The following DOCK10 variants were observed in gnomAD, a reference collection of about 807,000 sequenced individuals.
The protein encoded by DOCK10 is dedicator of cytokinesis 10, also known as dedicator of cytokinesis protein 10.
DOCK10 carries 145 observed loss-of-function variants against 280.1 expected under a neutral mutation model. That is an observed-to-expected ratio of 0.52 (90% CI 0.45 to 0.59). The LOEUF (loss-of-function observed/expected upper bound fraction) is 0.59. Among genes scored for constraint, DOCK10 ranks in the 20% least tolerant of loss-of-function variants. The pLI is 0.00. For synonymous variants in DOCK10, 915 were observed against 942.2 expected, an observed-to-expected ratio of 0.97 and a Z score of 0.53; for missense variants, 2,368 against 2,651.7, an observed-to-expected ratio of 0.89 and a Z score of 2.35.
At position 225,004,855 on chromosome 2, in the gene DOCK10, G is replaced by A. The variant is rs761428529; in HGVS notation, c.123+37397C>T. On this transcript the variant is annotated intron_variant, in intron 1 of 55. Coordinates refer to ENST00000258390, the MANE Select transcript of DOCK10 (RefSeq NM_014689.3). ...CCATCAGCAATTCAGTCCACGTGTGGCTCAGCCTCCCAGCTCAGGGATAAG... is the reference window on the plus strand; with the variant it reads ...CCATCAGCAATTCAGTCCACGTGTGACTCAGCCTCCCAGCTCAGGGATAAG... 2.0e-5 allele frequency among the ~76,000 whole-genome samples: 3 copies of A among 152,186 alleles called. No individual in the cohort carries two copies. The South Asian group carries it at 6.2e-4, about 32-fold the overall frequency.
chr2:224,823,558 G>T lies in DOCK10; in HGVS notation c.3126C>A (p.Tyr1042Ter). 6.2e-7 allele frequency: 1 copy of T among 1,609,356 alleles called. No homozygotes were observed. Among genetic ancestry groups the T allele is most frequent in the Non-Finnish European group, 8.5e-7 (1 of 1,178,632 alleles). ...MVLSDHVIWK[Y>*]KDALEETRRA... is the part of the protein sequence containing the mutation. ...TTCTTGTTTCTTCAAGTGCATCCTT[G>T]TATTTCCAAATCACATGGTCGGATA... is the stretch of plus-strand genomic sequence containing the variant. The change falls in exon 28 of 56, where the codon TAC becomes TAA. Residue 1042 changes from tyrosine (Y) to a stop codon, truncating the protein, a stop_gained. Transcript: ENST00000258390. LOFTEE classifies it high-confidence loss of function.
At chr2:224,856,637 C>T (rs1697163951) in intron 15 of DOCK10, among the ~76,000 whole-genome samples, 1 of 152,294 alleles carries the variant, frequency 6.6e-6, no homozygotes, top group South Asian at 2.1e-4. Flanking sequence ...GTTTGTTACA[C>T]AGCAGTAAAT....
At chr2:224,835,015 T>C (rs1695503687) in intron 25 of DOCK10, among the ~76,000 whole-genome samples, 1 of 152,216 alleles carries the variant, frequency 6.6e-6, no homozygotes, top group Non-Finnish European at 1.5e-5. Flanking sequence ...GATTTCACCG[T>C]AATTGAGAGT....
intron 23 of DOCK10, among the ~76,000 whole-genome samples, chr2:224,841,280 A>G (rs1695945507): frequency 6.6e-6 from 1 of 152,222 alleles, no homozygotes; most frequent in Admixed American, 6.5e-5. Flanking sequence ...TATGTGATAT[A>G]ATAAATACAG....
chr2:224,848,684 C>T (rs1401802689), intron 19 of DOCK10, among the ~76,000 whole-genome samples: 27 of 152,178 alleles, frequency 1.8e-4, no homozygotes. Context: ...GCTTGGCACA[C>T]AGCAGGAGTC....
chr2:224,912,080 T>G (rs10202004), intron 3 of DOCK10, among the ~76,000 whole-genome samples: 4,251 of 152,276 alleles, frequency 0.028, 202 homozygotes, highest in African/African-American at 0.097. Flanking sequence ...ATTTTTAACT[T>G]TTGCAGACAA....
intron 52 of DOCK10, among the ~76,000 whole-genome samples, chr2:224,773,900 A>T (rs1233244647): frequency 1.3e-5 from 2 of 152,140 alleles, no homozygotes; most frequent in African/African-American, 2.4e-5. Flanking sequence ...ATGTGCTGGG[A>T]TTACAGGCGT....
intron 1 of DOCK10, among the ~76,000 whole-genome samples, chr2:224,932,952 C>CA (rs1702480023): frequency 6.6e-6 from 1 of 151,892 alleles, no homozygotes; most frequent in Non-Finnish European, 1.5e-5. Flanking sequence ...AGGCAAGGGT[C>CA]ATCATATACT....
chr2:224,839,943 G>A lies in DOCK10; in HGVS notation c.2780+11C>T, dbSNP rs1250644494. The A allele has an allele frequency of 3.1e-6, 4 of 1,301,792 alleles. No homozygotes were observed. The highest frequency in any genetic ancestry group is 1.8e-4 in the Middle Eastern group (1 of 5,408). The allele number at this position is 1,301,792 out of a possible 1,614,324, so 80.6% of individuals were successfully genotyped here. A position where few individuals can be genotyped will look rare whatever the true frequency, so the allele number is the denominator to read the frequency against. ...ATAAAGTCTCTCCTCTTAAGGTTGTGTTATGGATACCTGGTGACAGTTGTA... is the reference window on the plus strand; with the variant it reads ...ATAAAGTCTCTCCTCTTAAGGTTGTATTATGGATACCTGGTGACAGTTGTA... On this transcript the variant is annotated intron_variant, in intron 24 of 55. Coordinates refer to ENST00000258390, the MANE Select transcript of DOCK10 (RefSeq NM_014689.3).
In DOCK10 at chr2:224,768,926, A is replaced by G. The variant is rs902986901; in HGVS notation, c.6444+1285T>C. On this transcript the variant is annotated intron_variant, in intron 55 of 55. Transcript: ENST00000258390. The stretch of plus-strand genomic sequence containing the variant: ...CTAGACACAGAGGAACAGAAGCTGT[A>G]TAAACACGGACCTCGACAGAGCTGC... 6.6e-6 allele frequency: 3 copies of G among 456,744 alleles called. No homozygotes were observed. The Admixed American group carries it at 7.0e-5, about 11-fold the overall frequency. 28.3% of individuals were successfully genotyped at this position (456,744 alleles called of 1,614,324 possible). A position where few individuals can be genotyped will look rare whatever the true frequency, so the allele number is the denominator to read the frequency against.
intron 11 of DOCK10, among the ~76,000 whole-genome samples, chr2:224,869,887 T>C (rs1689039838): frequency 6.6e-6 from 1 of 152,182 alleles, no homozygotes. Flanking sequence ...GATTTTCAGT[T>C]TCTAAATTGC....
chr2:224,818,019 G>A (rs1005526954), intron 29 of DOCK10, among the ~76,000 whole-genome samples: 1 of 152,210 alleles, frequency 6.6e-6, no homozygotes, highest in Non-Finnish European at 1.5e-5. Flanking sequence ...AGGCAAGCAT[G>A]TGACCCAAAG....
In DOCK10 at chr2:224,765,425, A is replaced by T. The variant is rs912107742; in HGVS notation, c.*296T>A. 3.8e-6 allele frequency: 1 copy of T among 265,068 alleles called. No individual in the cohort carries two copies. The highest frequency in any genetic ancestry group is 7.1e-6 in the Non-Finnish European group (1 of 139,972). The allele number at this position is 265,068 out of a possible 1,614,324, so 16.4% of individuals were successfully genotyped here. On this transcript the variant is annotated 3_prime_UTR_variant, in exon 56 of 56. Coordinates refer to ENST00000258390, the MANE Select transcript of DOCK10 (RefSeq NM_014689.3). Reference sequence around the variant, plus strand: ...TAACCTTTAAAATATGTGTACTAGGACTGGGGTACTGACCATACAATAACT... The same window carrying T: ...TAACCTTTAAAATATGTGTACTAGGTCTGGGGTACTGACCATACAATAACT...
intron 1 of DOCK10, among the ~76,000 whole-genome samples, chr2:225,016,652 GATACATA>G (rs1559963155): frequency 0.39 from 6,924 of 17,878 alleles, 988 homozygotes; most frequent in South Asian, 0.51. Flanking sequence ...TGTGCACATA[GATACATA>G]GATACATATA....
chr2:224,921,112 A>AATATATATATATATAT (rs1201609470), intron 2 of DOCK10, among the ~76,000 whole-genome samples: 15 of 54,396 alleles, frequency 2.8e-4, no homozygotes, highest in African/African-American at 4.7e-4. Context: ...AAAAAAAAAA[A>AATATATATATATATAT]ATATATATAT....
intron 22 of DOCK10, among the ~76,000 whole-genome samples, chr2:224,843,819 T>C (rs1457993920): frequency 6.6e-6 from 1 of 152,248 alleles, no homozygotes; most frequent in African/African-American, 2.4e-5. Context: ...ACAATGGTAA[T>C]AATTATACGT....
chr2:225,031,860 A>ACC (rs1690087415), intron 1 of DOCK10, among the ~76,000 whole-genome samples: 1 of 152,214 alleles, frequency 6.6e-6, no homozygotes, highest in Admixed American at 6.5e-5. Context: ...CGATAAGGTC[A>ACC]GAAGAACCTG....
At chr2:224,838,816 T>C (rs897254086) in intron 24 of DOCK10, among the ~76,000 whole-genome samples, 12 of 152,084 alleles carry the variant, frequency 7.9e-5, no homozygotes, top group East Asian at 1.9e-4. Flanking sequence ...AAAGAAGAAA[T>C]TGTGATTTGT....
intron 48 of DOCK10, among the ~76,000 whole-genome samples, chr2:224,788,301 A>G (rs1691884904): frequency 6.6e-6 from 1 of 152,092 alleles, no homozygotes; most frequent in African/African-American, 2.4e-5. Flanking sequence ...ATAAATTTTC[A>G]ACTGAATAAA....
Sources: gnomAD v4.1 joint callset for allele counts (sites outside exome capture counted in the v4.1 genomes callset) on GRCh38, gnomAD v4.1.1 for gene constraint, MANE v1.5 for transcripts, NCBI Gene and HGNC (gene_info 2026-07-23, HGNC 2026-07-21) for gene names.